The following LINGO1 variants were observed in gnomAD, a reference collection of about 807,000 sequenced individuals.
LINGO1 encodes the protein leucine-rich repeat and immunoglobulin-like domain-containing nogo receptor-interacting protein 1.
In LINGO1, 11 loss-of-function variants were observed where a neutral mutation model predicts 37.3. The ratio of observed to expected loss-of-function variants is 0.29; its 90% CI spans 0.19 to 0.49. The LOEUF (loss-of-function observed/expected upper bound fraction) is 0.49. Ranked by LOEUF, LINGO1 falls within the 20% of genes least tolerant of loss-of-function variation. The pLI is 0.99. For missense variants in LINGO1, 585 were observed against 878.2 expected (o/e 0.67, Z 4.22); for synonymous variants, 387 against 403.0 (o/e 0.96, Z 0.48).
chr15:77,788,381 A>G (rs549766070), upstream of LINGO1: 5 of 152,372 alleles, frequency 3.3e-5, no homozygotes, highest in East Asian at 9.6e-4. Flanking sequence ...CGCAAGGTAG[A>G]CGTTCTCATT....
At chr15:77,698,219 T>C (rs938665742), upstream of LINGO1, among the ~76,000 whole-genome samples, 2 of 152,152 alleles carry the variant, frequency 1.3e-5, no homozygotes, top group African/African-American at 4.8e-5. Flanking sequence ...AGCGTCCCAC[T>C]GAGCATCCCC....
intron 1 of LINGO1, among the ~76,000 whole-genome samples, chr15:77,777,690 C>T (rs888774068): frequency 6.6e-6 from 1 of 152,084 alleles, no homozygotes; most frequent in Non-Finnish European, 1.5e-5. Flanking sequence ...ACTTTGGGAG[C>T]CCGCGGCAGG....
intron 2 of LINGO1, among the ~76,000 whole-genome samples, chr15:77,733,898 G>A (rs929124987): frequency 8.5e-5 from 13 of 152,324 alleles, no homozygotes; most frequent in Non-Finnish European, 1.9e-4. Context: ...CTCCTTCCAA[G>A]ACTCTGCTGC....
intron 2 of LINGO1, among the ~76,000 whole-genome samples, chr15:77,684,662 G>A (rs1199525509): frequency 6.6e-6 from 1 of 152,226 alleles, no homozygotes; most frequent in South Asian, 2.1e-4. Flanking sequence ...TCCTGGGTAG[G>A]GGGCTGGGCT....
intron 3 of LINGO1, among the ~76,000 whole-genome samples, chr15:77,657,539 A>G (rs191216168): frequency 5.3e-4 from 80 of 152,176 alleles, no homozygotes; most frequent in African/African-American, 1.7e-3. Context: ...GAATCAAGGA[A>G]CCCCAAAGGG....
At chr15:77,716,852 C>T (rs2075990992) in intron 2 of LINGO1, among the ~76,000 whole-genome samples, 1 of 150,514 alleles carries the variant, frequency 6.6e-6, no homozygotes, top group Non-Finnish European at 1.5e-5. Context: ...TCAGCTCACA[C>T]AGCAAGTCAG....
chr15:77,802,607 G>A (rs1567592596), intron 1 of LINGO1, among the ~76,000 whole-genome samples: 1 of 152,120 alleles, frequency 6.6e-6, no homozygotes, highest in East Asian at 1.9e-4. Flanking sequence ...GTTCCAGAAG[G>A]CCCCCTTCCC....
At chr15:77,710,876 G>A (rs936005123) in intron 2 of LINGO1, among the ~76,000 whole-genome samples, 1 of 152,264 alleles carries the variant, frequency 6.6e-6, no homozygotes, top group Non-Finnish European at 1.5e-5. Flanking sequence ...AGGCCATGGA[G>A]GATCCACTGG....
At chr15:77,776,814 C>G (rs186256923) in intron 1 of LINGO1, among the ~76,000 whole-genome samples, 2 of 152,334 alleles carry the variant, frequency 1.3e-5, no homozygotes, top group East Asian at 3.9e-4. Context: ...AAGCATTGTA[C>G]ATATTTTAAC....
chr15:77,631,690 T>G (rs949551826), intron 1 of LINGO1, among the ~76,000 whole-genome samples: 1 of 152,260 alleles, frequency 6.6e-6, no homozygotes, highest in Non-Finnish European at 1.5e-5. Context: ...AAGCCCGGGC[T>G]GAACGCAGAC....
Position 77,800,117 on chromosome 15 carries a change from C to T in LINGO1, c.-457-4064G>A, listed in dbSNP as rs187025344. Among the ~76,000 whole-genome samples the T allele has an allele frequency of 2.0e-3, 308 of 152,290 alleles. 5 individuals are homozygous for T. The highest frequency in any genetic ancestry group is 2.0e-3 in the Non-Finnish European group (137 of 68,016). On this transcript the variant is annotated intron_variant, in intron 1 of 5. Transcript: ENST00000562933. ...CTGATGGAGGAGGGACTAGGATTGG[C>T]TCAGAGCCCTCCCTTGGGCTCTGGC...
chr15:77,786,910 G>C (rs1005511112), exon 1 of LINGO1: 1 of 152,302 alleles, frequency 6.6e-6, no homozygotes, highest in Non-Finnish European at 1.5e-5. Flanking sequence ...AAGGGTGGTG[G>C]TAGCTGCCTC....
intron 1 of LINGO1, among the ~76,000 whole-genome samples, chr15:77,743,706 G>A (rs1433548704): frequency 2.6e-5 from 4 of 152,096 alleles, no homozygotes; most frequent in South Asian, 4.1e-4. Flanking sequence ...ACAAGCAAGC[G>A]GGGAGAACCC....
intron 1 of LINGO1, chr15:77,819,944 C>G (rs1300734234): frequency 6.6e-6 from 1 of 152,576 alleles, no homozygotes; most frequent in South Asian, 2.1e-4. Context: ...CTGCCCAGCC[C>G]GGTCCTCGTT....
upstream of LINGO1, among the ~76,000 whole-genome samples, chr15:77,634,118 G>A (rs1213605423): frequency 1.3e-5 from 2 of 152,190 alleles, no homozygotes; most frequent in Non-Finnish European, 1.5e-5. Flanking sequence ...TGGGGCAGAC[G>A]CTGGAATCCC....
chr15:77,678,694 C>T (rs1055306526), intron 2 of LINGO1, among the ~76,000 whole-genome samples: 5 of 152,252 alleles, frequency 3.3e-5, no homozygotes, highest in African/African-American at 1.2e-4. Context: ...AGTAGGATTG[C>T]TGAGTTGTGT....
At position 77,614,605 on chromosome 15, in the gene LINGO1, C is replaced by T. The variant is rs201347656; in HGVS notation, c.1302G>A (p.Val434=). The T allele has an allele frequency of 3.1e-6, 5 of 1,611,382 alleles. No homozygotes were observed. The African/African-American group carries it at 5.3e-5, about 17-fold the overall frequency. ...GCACCGTGTGGCCCTCGTCCACAAA[C>T]ACCTGCTGGGCCTTGCGGTCCCGGA... ...ARIRDRKAQQ[V]FVDEGHTVQF... is the part of the protein sequence containing the mutation. Residue 434 remains valine (V), a synonymous_variant, in exon 2 of 2, where the codon GTG becomes GTA. Coordinates refer to ENST00000355300, the MANE Select transcript of LINGO1 (RefSeq NM_032808.7).
chr15:77,776,488 A>AGCAGGAAGGCAGGAAGGCAAGAAG, intron 1 of LINGO1, among the ~76,000 whole-genome samples: 1 of 90,688 alleles, frequency 1.1e-5, no homozygotes, highest in African/African-American at 4.9e-5. Flanking sequence ...AAGGCAGGAA[A>AGCAGGAAGGCAGGAAGGCAAGAAG]GCAGGAAGGC....
chr15:77,777,044 C>G (rs1313994644), intron 1 of LINGO1, among the ~76,000 whole-genome samples: 1 of 152,178 alleles, frequency 6.6e-6, no homozygotes. Context: ...AAATCTCAGT[C>G]CCGTGCCAGG....
Sources: allele counts gnomAD v4.1 joint callset (sites outside exome capture counted in the v4.1 genomes callset), GRCh38; gene constraint gnomAD v4.1.1; transcripts MANE v1.5; gene names NCBI Gene and HGNC (gene_info 2026-07-23, HGNC 2026-07-21).